Variants in MGST2 observed in about 807,000 individuals in gnomAD.
MGST2 encodes the protein glutathione peroxidase MGST2.
MGST2 carries 9 observed loss-of-function variants against 16.6 expected under a neutral mutation model. That is an observed-to-expected ratio of 0.54 (90% CI 0.33 to 0.95). MGST2 has a LOEUF of 0.95. Ranked by LOEUF, MGST2 falls within the 40% of genes least tolerant of loss-of-function variation. The pLI, the probability that MGST2 is intolerant of heterozygous loss-of-function variation, is 0.03. For missense variants in MGST2, 159 were observed against 175.1 expected, an observed-to-expected ratio of 0.91 and a Z score of 0.52; for synonymous variants, 79 against 68.0, an observed-to-expected ratio of 1.16 and a Z score of -0.79.
chr4:139,680,697 T>C (rs968851348), intron 2 of MGST2, among the ~76,000 whole-genome samples: 1 of 152,226 alleles, frequency 6.6e-6, no homozygotes, highest in African/African-American at 2.4e-5. Context: ...AGACTTCACA[T>C]ATCTGAAAAT....
intron 3 of MGST2, among the ~76,000 whole-genome samples, chr4:139,701,461 G>A (rs2110899940): frequency 6.6e-6 from 1 of 152,088 alleles, no homozygotes; most frequent in South Asian, 2.1e-4. Flanking sequence ...CCCTCCAGAG[G>A]CCTTCCTATA....
chr4:139,736,818 G>A (rs1728965754), intron 5 of MGST2, among the ~76,000 whole-genome samples: 1 of 152,142 alleles, frequency 6.6e-6, no homozygotes, highest in Admixed American at 6.5e-5. Context: ...GAGAATCATT[G>A]GGGCAAATAA....
chr4:139,717,545 C>T (rs1330112500), intron 5 of MGST2: 1 of 152,274 alleles, frequency 6.6e-6, no homozygotes, highest in Non-Finnish European at 1.5e-5. Context: ...CCTGCCCCTT[C>T]CTGAGCAGCT....
rs150692808 is a variant in MGST2, at chr4:139,687,420, G to C, written c.159-7777G>C. ...ATTTAGACTTTATCTGAAGTAGTTA[G>C]AGCAGAATTCCCTGGGATAACCAGT... On this transcript the variant is annotated intron_variant, in intron 2 of 4. Coordinates refer to ENST00000265498, the MANE Select transcript of MGST2 (RefSeq NM_002413.5). Among the ~76,000 whole-genome samples, 1,171 of 152,316 alleles carry C rather than the reference G, an allele frequency of 7.7e-3. 9 individuals are homozygous for C. Among genetic ancestry groups the C allele is most frequent in the Non-Finnish European group, 0.012 (801 of 68,022 alleles).
chr4:139,687,161 T>G (rs1260011173), intron 2 of MGST2, among the ~76,000 whole-genome samples: 1 of 152,026 alleles, frequency 6.6e-6, no homozygotes, highest in East Asian at 1.9e-4. Flanking sequence ...GAACAGAGAG[T>G]AGTTAAAAAA....
chr4:139,688,969 G>A (rs1031607815), intron 2 of MGST2, among the ~76,000 whole-genome samples: 7 of 152,102 alleles, frequency 4.6e-5, no homozygotes, highest in Admixed American at 3.9e-4. Context: ...TTAGCTGGGC[G>A]TGGTGGCACA....
intron 5 of MGST2, among the ~76,000 whole-genome samples, chr4:139,709,851 A>G (rs1727673071): frequency 6.6e-6 from 1 of 152,316 alleles, no homozygotes; most frequent in African/African-American, 2.4e-5. Flanking sequence ...TGGGCCCCAC[A>G]TGTGTGAGAG....
intron 3 of MGST2, among the ~76,000 whole-genome samples, chr4:139,700,331 CTG>C (rs1249955234): frequency 6.6e-6 from 1 of 151,920 alleles, no homozygotes; most frequent in Non-Finnish European, 1.5e-5. Flanking sequence ...TGCTGTTTCA[CTG>C]TGTTAGCCAG....
intron 5 of MGST2, among the ~76,000 whole-genome samples, chr4:139,721,865 G>A (rs1243813001): frequency 6.6e-6 from 1 of 152,118 alleles, no homozygotes; most frequent in Non-Finnish European, 1.5e-5. Context: ...TTGTAATATT[G>A]TCATGCAGTT....
At chr4:139,729,860 G>A (rs1728630776) in intron 5 of MGST2, among the ~76,000 whole-genome samples, 1 of 152,158 alleles carries the variant, frequency 6.6e-6, no homozygotes, top group African/African-American at 2.4e-5. Context: ...AAAAGCTGTG[G>A]GGAGTTTTCT....
At chr4:139,669,824 C>T (rs1265482240) in intron 1 of MGST2, among the ~76,000 whole-genome samples, 1 of 152,206 alleles carries the variant, frequency 6.6e-6, no homozygotes, top group Non-Finnish European at 1.5e-5. Context: ...AGTTTGTATA[C>T]CATTCTTCAC....
At chr4:139,749,128 A>T in the MGST2 span, among the ~76,000 whole-genome samples, 1 of 152,216 alleles carries the variant, frequency 6.6e-6, no homozygotes, top group African/African-American at 2.4e-5. Context: ...TTTTCTTCAA[A>T]TTGAGAAAAG....
At position 139,723,922 on chromosome 4, in the gene MGST2, T is replaced by C. The variant is rs74501210; in HGVS notation, c.*49-16290T>C. 1.8e-3 allele frequency among the ~76,000 whole-genome samples: 280 copies of C among 152,356 alleles called. 2 individuals are homozygous for C. The East Asian group carries it at 0.039, about 21-fold the overall frequency. On this transcript the variant is annotated intron_variant, in intron 5 of 5. Coordinates refer to the MGST2 transcript ENST00000616265. ...TTTACTGAATCAGAAACACTGTGTATGTTTTAACAAGCTCCGCTGGTGCTT... is the reference window on the plus strand; with the variant it reads ...TTTACTGAATCAGAAACACTGTGTACGTTTTAACAAGCTCCGCTGGTGCTT...
chr4:139,714,450 C>G (rs1462540649), intron 5 of MGST2, among the ~76,000 whole-genome samples: 1 of 152,158 alleles, frequency 6.6e-6, no homozygotes, highest in Non-Finnish European at 1.5e-5. Context: ...CCTGAGGGGC[C>G]CTAGTGATCT....
chr4:139,695,638 G>A (rs1726875763), intron 3 of MGST2, among the ~76,000 whole-genome samples: 1 of 151,990 alleles, frequency 6.6e-6, no homozygotes, highest in African/African-American at 2.4e-5. Context: ...ACAAAAAAAG[G>A]AGCAGATATG....
chr4:139,726,074 C>T (rs1459501010), intron 5 of MGST2, among the ~76,000 whole-genome samples: 1 of 152,192 alleles, frequency 6.6e-6, no homozygotes, highest in Non-Finnish European at 1.5e-5. Context: ...TGCCAGGAGC[C>T]CCTCGTGCCC....
chr4:139,677,183 A>G (rs1373311480), intron 1 of MGST2, among the ~76,000 whole-genome samples: 1 of 152,168 alleles, frequency 6.6e-6, no homozygotes, highest in Non-Finnish European at 1.5e-5. Flanking sequence ...GATAGGTCTC[A>G]ACCAATTTAG....
At chr4:139,732,574 C>G (rs1278049561) in intron 5 of MGST2, among the ~76,000 whole-genome samples, 1 of 21,000 alleles carries the variant, frequency 4.8e-5, no homozygotes, top group Admixed American at 6.9e-4. Flanking sequence ...AACTAGAACG[C>G]TATTTTTTTT....
intron 5 of MGST2, chr4:139,717,290 C>T (rs917470223): frequency 7.9e-5 from 12 of 152,542 alleles, no homozygotes; most frequent in African/African-American, 2.9e-4. Flanking sequence ...CATTAGCCAC[C>T]TCCAGTTTCT....
Sources: allele counts gnomAD v4.1 joint callset (sites outside exome capture counted in the v4.1 genomes callset), GRCh38; gene constraint gnomAD v4.1.1; transcripts MANE v1.5; gene names NCBI Gene and HGNC (gene_info 2026-07-23, HGNC 2026-07-21).